The following PCDHA2 variants were observed in gnomAD, a reference collection of about 807,000 sequenced individuals.
PCDHA2 encodes the protein protocadherin alpha 2.
Under a neutral mutation model 66.0 loss-of-function variants are expected in PCDHA2, and 58 were observed. The ratio of observed to expected loss-of-function variants is 0.88; its 90% CI spans 0.71 to 1.09. PCDHA2 has a LOEUF of 1.09. Ranked by LOEUF, PCDHA2 falls within the 50% of genes least tolerant of loss-of-function variation. PCDHA2 has a pLI of 0.00. For synonymous variants in PCDHA2, 634 were observed against 554.0 expected (o/e 1.14, Z -2.03); for missense variants, 1,267 against 1,242.3 (o/e 1.02, Z -0.30).
At chr5:140,828,278 C>A (rs1158544001) in intron 1 of PCDHA2, 4 of 1,613,994 alleles carry the variant, frequency 2.5e-6, no homozygotes, top group Non-Finnish European at 3.4e-6. Flanking sequence ...GGTGCCGCGC[C>A]TGTTCAGGAT....
At chr5:140,902,051 A>G (rs998360115) in intron 1 of PCDHA2, among the ~76,000 whole-genome samples, 2 of 152,100 alleles carry the variant, frequency 1.3e-5, no homozygotes, top group African/African-American at 4.8e-5. Context: ...TTGATTTTGT[A>G]TCCTGCAACT....
rs2150227697 is a variant in PCDHA2 at position 140,834,836 on chromosome 5, G to C, written c.2388+37484G>C. The C allele has an allele frequency of 8.1e-6, 13 of 1,611,678 alleles. No individual in the cohort carries two copies. In the African/African-American group the frequency reaches 9.4e-5, roughly 12 times the overall value. Reference sequence around the variant, plus strand: ...CGGAATCCAGGCCGCTTGACTCTCGGTTTCCACTAGAGGGCGCGTCCGATG... The same window carrying C: ...CGGAATCCAGGCCGCTTGACTCTCGCTTTCCACTAGAGGGCGCGTCCGATG... On this transcript the variant is annotated intron_variant, in intron 1 of 3. Coordinates refer to ENST00000526136, the MANE Select transcript of PCDHA2 (RefSeq NM_018905.3).
intron 1 of PCDHA2, chr5:140,803,792 C>A (rs1198060359): frequency 6.1e-6 from 5 of 824,766 alleles, no homozygotes; most frequent in Non-Finnish European, 7.4e-6. Context: ...GTTATGATAT[C>A]CACACTTGTA....
intron 1 of PCDHA2, chr5:140,850,680 G>T: frequency 6.3e-7 from 1 of 1,598,518 alleles, no homozygotes; most frequent in Non-Finnish European, 8.6e-7. Flanking sequence ...GATGCCCACC[G>T]AGGGCGAGTG....
intron 1 of PCDHA2, among the ~76,000 whole-genome samples, chr5:140,888,140 G>A (rs2061708866): frequency 1.3e-5 from 2 of 152,080 alleles, no homozygotes; most frequent in Admixed American, 1.3e-4. Context: ...TTTTCTTGCT[G>A]TTTTGCATGA....
chr5:140,813,187 T>G (rs1392565210), intron 1 of PCDHA2: 1 of 152,198 alleles, frequency 6.6e-6, no homozygotes, highest in Non-Finnish European at 1.5e-5. Flanking sequence ...GTCCTCTGCT[T>G]CCTTGCTGAT....
chr5:140,980,432 C>A (rs1228010505), intron 2 of PCDHA2, among the ~76,000 whole-genome samples: 1 of 152,118 alleles, frequency 6.6e-6, no homozygotes, highest in East Asian at 1.9e-4. Context: ...GAGATCGAGA[C>A]CATCCTGGAC....
intron 1 of PCDHA2, chr5:140,870,316 T>C (rs1178506832): frequency 1.2e-6 from 2 of 1,614,126 alleles, no homozygotes; most frequent in Admixed American, 3.3e-5. Context: ...GAATTACTAC[T>C]CGTTGGTGCT....
chr5:140,876,478 G>A (rs782344970), intron 1 of PCDHA2: 1 of 1,614,032 alleles, frequency 6.2e-7, no homozygotes. Flanking sequence ...TCACAGCATG[G>A]TCCTGGTGGA....
At chr5:140,874,008 T>C (rs2054633118) in intron 1 of PCDHA2, among the ~76,000 whole-genome samples, 5 of 152,208 alleles carry the variant, frequency 3.3e-5, no homozygotes. Context: ...CATTGACCAC[T>C]TTTGAAAATG....
At chr5:140,947,996 T>C (rs185303145) in intron 1 of PCDHA2, among the ~76,000 whole-genome samples, 1 of 126,772 alleles carries the variant, frequency 7.9e-6, no homozygotes, top group Non-Finnish European at 1.7e-5. Context: ...CCAAATACTT[T>C]ATTAAATTTA....
At chr5:140,861,430 A>G (rs370794784) in intron 1 of PCDHA2, 18 of 488,226 alleles carry the variant, frequency 3.7e-5, no homozygotes, top group African/African-American at 3.5e-4. Context: ...TTTCAGTTGG[A>G]TTCCAAAAGC....
At position 140,797,253 on chromosome 5, in the gene PCDHA2, C is replaced by A; in HGVS notation, c.2289C>A (p.Asp763Glu). 6.2e-7 allele frequency: 1 copy of A among 1,613,860 alleles called. No individual in the cohort carries two copies. Among genetic ancestry groups the A allele is most frequent in the South Asian group, 1.1e-5 (1 of 91,082 alleles). ...GGCAGAGGGTGTGCTCTGGGGAGGA[C>A]CCCCCCAAGACGGACCTCATGGCCT... ...QRRQRVCSGEDPPKTDLMAFS... is the reference protein window; with the variant it reads ...QRRQRVCSGEEPPKTDLMAFS... The change falls in exon 1 of 4, where the codon GAC becomes GAA. Residue 763 changes from aspartate to glutamate, a missense_variant. Physicochemically the swap from Asp to Glu is conservative, Grantham distance 45. Transcript: ENST00000526136.
rs2150277487 is a variant in PCDHA2, at chr5:140,837,615, C to CCCTT, written c.2388+40280_2388+40283dup. On this transcript the variant is annotated intron_variant, in intron 1 of 3. Transcript: ENST00000526136. ...CCAATATATATATTTTATAATTTGC[C>CCCTT]CCTTCCTTCCTTCCTTCCTTTCTTT... Among the ~76,000 whole-genome samples the CCCTT allele has an allele frequency of 5.2e-3, 763 of 145,918 alleles. 3 individuals are homozygous for CCCTT. Among genetic ancestry groups the CCCTT allele is most frequent in the South Asian group, 0.011 (50 of 4,612 alleles).
At chr5:141,003,094 A>G (rs2098111645) in intron 3 of PCDHA2, among the ~76,000 whole-genome samples, 1 of 152,230 alleles carries the variant, frequency 6.6e-6, no homozygotes, top group African/African-American at 2.4e-5. Flanking sequence ...CAGGCCTGGC[A>G]TTTGCTTCAC....
intron 1 of PCDHA2, chr5:140,928,746 C>A (rs782813323): frequency 6.2e-7 from 1 of 1,614,130 alleles, no homozygotes. Context: ...TAGGTGAGCT[C>A]CGTACTGCTC....
chr5:141,003,343 GCT>G (rs1554259027), intron 3 of PCDHA2, among the ~76,000 whole-genome samples: 1 of 152,198 alleles, frequency 6.6e-6, no homozygotes, highest in Non-Finnish European at 1.5e-5. Context: ...TTGTTTGTTT[GCT>G]CTGTCACCCA....
At chr5:140,890,917 G>C (rs1465334645) in intron 1 of PCDHA2, among the ~76,000 whole-genome samples, 3 of 152,116 alleles carry the variant, frequency 2.0e-5, no homozygotes, top group Non-Finnish European at 4.4e-5. Context: ...AATAATTTGA[G>C]AGTTTCCTTT....
intron 1 of PCDHA2, among the ~76,000 whole-genome samples, chr5:140,873,080 C>G (rs1582109442): frequency 2.6e-5 from 4 of 151,946 alleles, no homozygotes; most frequent in Admixed American, 2.6e-4. Context: ...CTAGCTATTT[C>G]CCCCCCGTAT....
Sources: gnomAD v4.1 joint callset for allele counts (sites outside exome capture counted in the v4.1 genomes callset) on GRCh38, gnomAD v4.1.1 for gene constraint, MANE v1.5 for transcripts, NCBI Gene and HGNC (gene_info 2026-07-23, HGNC 2026-07-21) for gene names.